CDKAL1: variants seen among roughly 807,000 people sequenced by gnomAD.
CDKAL1 encodes the protein threonylcarbamoyladenosine tRNA methylthiotransferase.
A neutral mutation model predicts 68.2 loss-of-function variants in CDKAL1; 32 were observed. The ratio of observed to expected loss-of-function variants is 0.47; its 90% CI spans 0.35 to 0.63. The LOEUF (loss-of-function observed/expected upper bound fraction) is 0.63. Ranked by LOEUF, CDKAL1 falls within the 30% of genes least tolerant of loss-of-function variation. The pLI, the probability that CDKAL1 is intolerant of heterozygous loss-of-function variation, is 0.00. For synonymous variants in CDKAL1, 234 were observed against 244.3 expected, an observed-to-expected ratio of 0.96 and a Z score of 0.39; for missense variants, 606 against 696.7, an observed-to-expected ratio of 0.87 and a Z score of 1.47.
At chr6:21,006,564 C>T (rs562919089) in intron 11 of CDKAL1, among the ~76,000 whole-genome samples, 1 of 152,306 alleles carries the variant, frequency 6.6e-6, no homozygotes, top group Non-Finnish European at 1.5e-5. Flanking sequence ...CTTTTCCCTT[C>T]TCTCCATTGC....
chr6:21,117,102 G>C (rs1314061443), intron 13 of CDKAL1, among the ~76,000 whole-genome samples: 1 of 151,996 alleles, frequency 6.6e-6, no homozygotes, highest in Non-Finnish European at 1.5e-5. Flanking sequence ...TACATACCCT[G>C]CCCCAACAGC....
intron 11 of CDKAL1, among the ~76,000 whole-genome samples, chr6:21,012,265 T>C (rs1485294808): frequency 6.6e-6 from 1 of 152,218 alleles, no homozygotes. Context: ...TTTGAGTTTT[T>C]TGTCCCCCTT....
chr6:21,163,422 G>A (rs576331914), intron 13 of CDKAL1, among the ~76,000 whole-genome samples: 6 of 152,232 alleles, frequency 3.9e-5, no homozygotes, highest in South Asian at 2.1e-4. Flanking sequence ...AGAACCCACC[G>A]TGGTTTGGGA....
At chr6:20,558,143 A>T (rs62398942) in intron 4 of CDKAL1, among the ~76,000 whole-genome samples, 8,127 of 152,262 alleles carry the variant, frequency 0.053, 230 homozygotes, top group Middle Eastern at 0.075. Flanking sequence ...TTGTGTGAGG[A>T]TCTGATAGCA....
intron 13 of CDKAL1, among the ~76,000 whole-genome samples, chr6:21,183,167 T>C (rs1272260535): frequency 6.6e-6 from 1 of 152,054 alleles, no homozygotes; most frequent in Non-Finnish European, 1.5e-5. Context: ...ATAATTCGTC[T>C]TTCCAATAGC....
At chr6:20,651,218 C>T (rs1768754433) in intron 5 of CDKAL1, among the ~76,000 whole-genome samples, 1 of 152,118 alleles carries the variant, frequency 6.6e-6, no homozygotes, top group African/African-American at 2.4e-5. Flanking sequence ...TTTGTTTCCT[C>T]TCTTATTTCC....
At chr6:20,958,595 A>G (rs187857515) in intron 10 of CDKAL1, among the ~76,000 whole-genome samples, 76 of 152,340 alleles carry the variant, frequency 5.0e-4, no homozygotes, top group Middle Eastern at 3.4e-3. Flanking sequence ...TTCACCAATA[A>G]GAAAAAACAG....
chr6:21,209,857 T>A (rs567493557), intron 15 of CDKAL1, among the ~76,000 whole-genome samples: 2 of 152,194 alleles, frequency 1.3e-5, no homozygotes, highest in Non-Finnish European at 2.9e-5. Context: ...CTGTGATGAT[T>A]TGAACCCAGG....
chr6:21,130,221 CTT>C (rs10708944), intron 13 of CDKAL1, among the ~76,000 whole-genome samples: 52 of 115,610 alleles, frequency 4.5e-4, no homozygotes, highest in South Asian at 2.9e-3. Flanking sequence ...TTGGACCTAA[CTT>C]TTTTTTTTTT....
At chr6:21,092,359 T>A (rs1335445245) in intron 12 of CDKAL1, among the ~76,000 whole-genome samples, 1 of 151,600 alleles carries the variant, frequency 6.6e-6, no homozygotes, top group Non-Finnish European at 1.5e-5. Flanking sequence ...CAACCCTTCA[T>A]CTAGGTTTTA....
chr6:21,003,369 T>TACACACACACAC (rs1292656062), intron 11 of CDKAL1, among the ~76,000 whole-genome samples: 3 of 46,626 alleles, frequency 6.4e-5, no homozygotes, highest in African/African-American at 2.6e-4. Flanking sequence ...TATATATATA[T>TACACACACACAC]ATACACACAC....
chr6:20,985,604 G>A (rs1166289517), intron 10 of CDKAL1, among the ~76,000 whole-genome samples: 1 of 152,114 alleles, frequency 6.6e-6, no homozygotes, highest in Non-Finnish European at 1.5e-5. Flanking sequence ...CCTGTTCCAT[G>A]TTCTTAAGAC....
intron 5 of CDKAL1, among the ~76,000 whole-genome samples, chr6:20,697,200 A>AT (rs1771144715): frequency 6.6e-6 from 1 of 152,200 alleles, no homozygotes; most frequent in Non-Finnish European, 1.5e-5. Context: ...AAATAAACTG[A>AT]TTTTTTAAAA....
intron 13 of CDKAL1, among the ~76,000 whole-genome samples, chr6:21,123,020 A>C (rs1774806817): frequency 6.6e-6 from 1 of 152,146 alleles, no homozygotes; most frequent in Non-Finnish European, 1.5e-5. Flanking sequence ...GTGTATATAT[A>C]TGTGTATGTA....
At position 20,732,423 on chromosome 6, in the gene CDKAL1, G is replaced by C. The variant is rs1772994089; in HGVS notation, c.372-7096G>C. ...TCTGAGTAGCTGGGATTGCAGCTGT[G>C]CACCATGACACCTGGCTATTTTTTT... On this transcript the variant is annotated intron_variant, in intron 5 of 15. Transcript: ENST00000274695. 3.3e-5 allele frequency among the ~76,000 whole-genome samples: 5 copies of C among 149,586 alleles called. No homozygotes were observed. The South Asian group carries it at 1.1e-3, about 32-fold the overall frequency.
At chr6:20,735,954 C>T (rs955094726) in intron 5 of CDKAL1, among the ~76,000 whole-genome samples, 1 of 152,174 alleles carries the variant, frequency 6.6e-6, no homozygotes, top group Non-Finnish European at 1.5e-5. Context: ...ACTGCTGCAT[C>T]CGCTGTCATC....
intron 9 of CDKAL1, among the ~76,000 whole-genome samples, chr6:20,936,307 G>T (rs1245598243): frequency 2.5e-4 from 32 of 129,862 alleles, no homozygotes; most frequent in Non-Finnish European, 4.2e-4. Context: ...CTGGAGTGCA[G>T]TGGCGGGATC....
intron 13 of CDKAL1, among the ~76,000 whole-genome samples, chr6:21,129,183 A>T (rs558925748): frequency 6.6e-6 from 1 of 152,216 alleles, no homozygotes; most frequent in East Asian, 1.9e-4. Flanking sequence ...TATAAATTCT[A>T]TCCATAAGTA....
intron 4 of CDKAL1, among the ~76,000 whole-genome samples, chr6:20,645,624 G>A (rs981693439): frequency 3.3e-5 from 5 of 151,814 alleles, no homozygotes; most frequent in East Asian, 1.9e-4. Context: ...CCAGCTACTT[G>A]GGCGGCTGAG....
Sources: gnomAD v4.1 joint callset for allele counts (sites outside exome capture counted in the v4.1 genomes callset) on GRCh38, gnomAD v4.1.1 for gene constraint, MANE v1.5 for transcripts, NCBI Gene and HGNC (gene_info 2026-07-23, HGNC 2026-07-21) for gene names.